The following MYO10 variants were observed in gnomAD, a reference collection of about 807,000 sequenced individuals.
MYO10 encodes unconventional myosin-X.
A neutral mutation model predicts 257.3 loss-of-function variants in MYO10; 133 were observed. That is an observed-to-expected ratio of 0.52 (90% CI 0.45 to 0.60). The LOEUF (loss-of-function observed/expected upper bound fraction) is 0.60. Among genes scored for constraint, MYO10 ranks in the 20% least tolerant of loss-of-function variants. The pLI is 0.00. For synonymous variants in MYO10, 1,104 were observed against 1,028.6 expected, an observed-to-expected ratio of 1.07 and a Z score of -1.40; for missense variants, 2,399 against 2,635.7, an observed-to-expected ratio of 0.91 and a Z score of 1.97.
chr5:16,699,779 T>A (rs1579853230), intron 25 of MYO10: 16 of 119,504 alleles, frequency 1.3e-4, no homozygotes, highest in East Asian at 5.9e-4. Context: ...AGAGCAAGCC[T>A]CAGTCTCAAA....
intron 2 of MYO10, among the ~76,000 whole-genome samples, chr5:16,860,430 G>A (rs781482372): frequency 6.6e-5 from 10 of 152,028 alleles, no homozygotes; most frequent in Non-Finnish European, 1.5e-4. Flanking sequence ...AAAATCATTC[G>A]GGCAACTCGT....
chr5:16,885,404 G>C (rs1373341976), intron 1 of MYO10, among the ~76,000 whole-genome samples: 1 of 152,192 alleles, frequency 6.6e-6, no homozygotes, highest in Non-Finnish European at 1.5e-5. Context: ...GGGCACAGTG[G>C]CTCATGCCTG....
intron 21 of MYO10, among the ~76,000 whole-genome samples, chr5:16,710,436 T>C (rs1438524247): frequency 6.6e-6 from 1 of 152,214 alleles, no homozygotes. Context: ...TCCTTTTTGC[T>C]TTCTGGACTG....
chr5:16,927,647 C>T (rs1344469450), intron 1 of MYO10, among the ~76,000 whole-genome samples: 1 of 152,110 alleles, frequency 6.6e-6, no homozygotes, highest in South Asian at 2.1e-4. Flanking sequence ...ATTTAAAATG[C>T]TTTTATACGG....
chr5:16,715,562 AGTGCTGGGATT>A (rs375863473), intron 19 of MYO10, among the ~76,000 whole-genome samples: 113,856 of 151,224 alleles, frequency 0.75, 43,636 homozygotes, highest in East Asian at 0.82. Context: ...CGCCTCCCAA[AGTGCTGGGATT>A]ACAGGCATGA....
Position 16,680,002 on chromosome 5 carries a change from G to A in MYO10, c.4487C>T (p.Thr1496Ile). ...TRWSSAIQNV[T>I]DTKAPIDTPT... ...GGTGTCGATCGGGGCCTTGGTGTCA[G>A]TCACGTTTTGAATGGCACTGGACCA... The change falls in exon 33 of 41, where the codon ACT becomes ATT. Residue 1496 changes from threonine to isoleucine, a missense_variant. Physicochemically the swap from Thr to Ile is moderately conservative, Grantham distance 89. This residue lies in a region of MYO10 where 1,820 missense variants were observed against 1,939.4 expected (regional missense o/e 0.94). Coordinates refer to ENST00000513610, the MANE Select transcript of MYO10 (RefSeq NM_012334.3). 6.2e-7 allele frequency: 1 copy of A among 1,613,908 alleles called. No homozygotes were observed. The highest frequency in any genetic ancestry group is 8.5e-7 in the Non-Finnish European group (1 of 1,179,858).
At chr5:16,824,242 C>T (rs1446321717) in intron 2 of MYO10, among the ~76,000 whole-genome samples, 2 of 152,110 alleles carry the variant, frequency 1.3e-5, no homozygotes, top group Non-Finnish European at 2.9e-5. Flanking sequence ...TCAAGCACAG[C>T]ATCTTCCTCT....
chr5:16,727,076 T>C (rs928054986), intron 19 of MYO10, among the ~76,000 whole-genome samples: 1 of 152,188 alleles, frequency 6.6e-6, no homozygotes, highest in African/African-American at 2.4e-5. Context: ...TTCAAAAACT[T>C]AGTATGAAAA....
chr5:16,697,894 C>G (rs1737834107), intron 26 of MYO10, among the ~76,000 whole-genome samples: 1 of 152,132 alleles, frequency 6.6e-6, no homozygotes, highest in African/African-American at 2.4e-5. Context: ...CTTCTCGACT[C>G]TCTCCCCTCT....
At chr5:16,673,557 G>T in intron 36 of MYO10, 125 bp downstream of exon 36, 1 of 927,100 alleles carries the variant, frequency 1.1e-6, no homozygotes, top group Non-Finnish European at 1.6e-6. Context: ...CCTTAGTATT[G>T]AGAGCTGTAC....
At chr5:16,790,998 A>T (rs1741734639) in intron 4 of MYO10, among the ~76,000 whole-genome samples, 1 of 152,020 alleles carries the variant, frequency 6.6e-6, no homozygotes, top group African/African-American at 2.4e-5. Flanking sequence ...TTAAAACTAG[A>T]CCTTAAGAGA....
At position 16,677,416 on chromosome 5, in the gene MYO10, C is replaced by CTTTTTTTT. The variant is rs796474728; in HGVS notation, c.4543-1270_4543-1263dup. On this transcript the variant is annotated intron_variant, in intron 33 of 40. Transcript: ENST00000513610. ...ATGGACTTATTTAGGGTAACTTGAC[C>CTTTTTTTT]TTTTTTTTTTTTTTTTTGAGACGGA... 1.4e-4 allele frequency among the ~76,000 whole-genome samples: 17 copies of CTTTTTTTT among 119,378 alleles called. 5 individuals carry two copies. Among genetic ancestry groups the CTTTTTTTT allele is most frequent in the East Asian group, 4.7e-4 (2 of 4,282 alleles). The allele number at this position is 119,378 out of a possible 152,430, so 78.3% of individuals were successfully genotyped here.
chr5:16,816,952 C>T (rs538273772), intron 3 of MYO10, among the ~76,000 whole-genome samples: 7 of 151,412 alleles, frequency 4.6e-5, no homozygotes, highest in Admixed American at 2.0e-4. Flanking sequence ...CCTGAGTAGC[C>T]GGGATTACAG....
chr5:16,809,624 T>G (rs1163175738), intron 3 of MYO10, among the ~76,000 whole-genome samples: 2 of 152,186 alleles, frequency 1.3e-5, no homozygotes, highest in Admixed American at 6.5e-5. Flanking sequence ...AGAAGCAACA[T>G]CAAACACATT....
chr5:16,785,641 G>A (rs914904571), intron 4 of MYO10, among the ~76,000 whole-genome samples: 1 of 152,004 alleles, frequency 6.6e-6, no homozygotes, highest in Non-Finnish European at 1.5e-5. Flanking sequence ...AGGCTGAGGC[G>A]GGTGGATTAC....
At chr5:16,911,991 T>C (rs1176377695) in intron 1 of MYO10, among the ~76,000 whole-genome samples, 2 of 152,046 alleles carry the variant, frequency 1.3e-5, no homozygotes, top group Non-Finnish European at 2.9e-5. Context: ...GCCAAGATCA[T>C]GCCATTGCAC....
chr5:16,845,089 G>A (rs1743594338), intron 2 of MYO10, among the ~76,000 whole-genome samples: 1 of 151,870 alleles, frequency 6.6e-6, no homozygotes, highest in Non-Finnish European at 1.5e-5. Context: ...TTAAGCAAAG[G>A]GAATGAGAAC....
At position 16,818,396 on chromosome 5, in the gene MYO10, G is replaced by GTATATATA. The variant is rs1329747245; in HGVS notation, c.121-230_121-229insTATATATA. Among the ~76,000 whole-genome samples, 73 of 111,934 alleles carry GTATATATA rather than the reference G, an allele frequency of 6.5e-4. 4 individuals are homozygous for GTATATATA. Among genetic ancestry groups the GTATATATA allele is most frequent in the Admixed American group, 1.6e-3 (17 of 10,926 alleles). The allele number at this position is 111,934 out of a possible 152,430, so 73.4% of individuals were successfully genotyped here. A position where few individuals can be genotyped will look rare whatever the true frequency, so the allele number is the denominator to read the frequency against. On this transcript the variant is annotated intron_variant, in intron 2 of 40. Coordinates refer to ENST00000513610, the MANE Select transcript of MYO10 (RefSeq NM_012334.3). ...TGTGTGTGTGCGTGTGTGTGTGTGT[G>GTATATATA]TGTGTGTGTGTGTGTATATATATAT...
At position 16,668,479 on chromosome 5, in the gene MYO10, A is replaced by G. The variant is rs777099939; in HGVS notation, c.5884-11T>C. ...GCCACCTTCCTTGCACTGGTGGGCA[A>G]GAGTCAACAGAAGAGTTAAGTCATG... On this transcript the variant is annotated splice_polypyrimidine_tract_variant and intron_variant, in intron 39 of 40. Coordinates refer to ENST00000513610, the MANE Select transcript of MYO10 (RefSeq NM_012334.3). 2.3e-5 allele frequency: 36 copies of G among 1,589,014 alleles called. No individual in the cohort carries two copies. The highest frequency in any genetic ancestry group is 2.2e-5 in the Non-Finnish European group (26 of 1,169,582).
Sources: allele counts gnomAD v4.1 joint callset (sites outside exome capture counted in the v4.1 genomes callset), GRCh38; gene constraint gnomAD v4.1.1; regional missense constraint gnomAD v4.1.1; transcripts MANE v1.5; gene names NCBI Gene and HGNC (gene_info 2026-07-23, HGNC 2026-07-21).